Variants in VPS41 observed in about 807,000 individuals in gnomAD.
VPS41 encodes the protein VPS41 subunit of HOPS complex, also known as vacuolar protein sorting-associated protein 41 homolog.
A neutral mutation model predicts 130.9 loss-of-function variants in VPS41; 85 were observed. That is an observed-to-expected ratio of 0.65 (90% CI 0.55 to 0.78). The LOEUF is 0.78. VPS41 is among the 30% of genes least tolerant of loss of function. The pLI is 0.00. For missense variants in VPS41, 874 were observed against 1,018.7 expected (o/e 0.86, Z 1.93); for synonymous variants, 335 against 332.9 (o/e 1.01, Z -0.07).
intron 10 of VPS41, among the ~76,000 whole-genome samples, chr7:38,787,672 A>C (rs140198087): frequency 2.0e-5 from 3 of 152,340 alleles, no homozygotes; most frequent in African/African-American, 4.8e-5. Flanking sequence ...GTATTTCTTT[A>C]ATCTTAATGC....
chr7:38,800,796 A>AT (rs1321813183), intron 7 of VPS41, among the ~76,000 whole-genome samples: 1 of 152,198 alleles, frequency 6.6e-6, no homozygotes, highest in African/African-American at 2.4e-5. Context: ...AGATTGTGCC[A>AT]TTGCACTCCA....
At chr7:38,872,151 C>T (rs1331380234) in intron 2 of VPS41, among the ~76,000 whole-genome samples, 1 of 152,180 alleles carries the variant, frequency 6.6e-6, no homozygotes, top group Non-Finnish European at 1.5e-5. Context: ...CAAGATGGCT[C>T]AATCAAATGG....
intron 4 of VPS41, among the ~76,000 whole-genome samples, chr7:38,861,441 G>C (rs995371492): frequency 6.6e-6 from 1 of 152,122 alleles, no homozygotes; most frequent in East Asian, 1.9e-4. Flanking sequence ...GTGTCCAGTG[G>C]GTAGAAGAGG....
At chr7:38,846,447 A>T (rs1313366197) in intron 4 of VPS41, among the ~76,000 whole-genome samples, 1 of 152,238 alleles carries the variant, frequency 6.6e-6, no homozygotes, top group African/African-American at 2.4e-5. Context: ...TAATTTGCGT[A>T]CGCAAAGACA....
intron 10 of VPS41, among the ~76,000 whole-genome samples, chr7:38,786,047 T>C (rs1311565109): frequency 6.6e-6 from 1 of 152,194 alleles, no homozygotes; most frequent in Non-Finnish European, 1.5e-5. Flanking sequence ...AGAAAAAGGG[T>C]CTTCAGATTC....
intron 7 of VPS41, among the ~76,000 whole-genome samples, chr7:38,809,332 A>AAT (rs548454686): frequency 0.019 from 2,757 of 148,120 alleles, 91 homozygotes; most frequent in African/African-American, 0.064. Flanking sequence ...AAAATACAAA[A>AAT]ATATATATAT....
chr7:38,783,342 C>T (rs111788549), intron 10 of VPS41, among the ~76,000 whole-genome samples: 3,038 of 152,058 alleles, frequency 0.02, 107 homozygotes, highest in African/African-American at 0.069. Flanking sequence ...CAAGACCAGC[C>T]TGGCCAAGAA....
chr7:38,823,789 G>T (rs914581221), intron 5 of VPS41, among the ~76,000 whole-genome samples: 6 of 152,094 alleles, frequency 3.9e-5, no homozygotes, highest in Admixed American at 3.9e-4. Flanking sequence ...TTTTCCTGAG[G>T]CTGGCCTTGA....
intron 21 of VPS41, among the ~76,000 whole-genome samples, chr7:38,754,222 G>A (rs1174995780): frequency 6.6e-6 from 1 of 152,144 alleles, no homozygotes; most frequent in African/African-American, 2.4e-5. Context: ...TCGCTCTGTG[G>A]TCTGGATATG....
At chr7:38,774,308 T>C in intron 11 of VPS41, 64 bp from the exon 12 acceptor site, 1 of 1,421,882 alleles carries the variant, frequency 7.0e-7, no homozygotes, top group East Asian at 2.4e-5. Flanking sequence ...ACAAATTAAT[T>C]CTAGTTAGCC....
At chr7:38,809,405 C>T (rs1784899653) in intron 7 of VPS41, among the ~76,000 whole-genome samples, 1 of 147,398 alleles carries the variant, frequency 6.8e-6, no homozygotes, top group Non-Finnish European at 1.5e-5. Context: ...CTCAATAAAG[C>T]TAGAAAAAAA....
At position 38,830,235 on chromosome 7, in the gene VPS41, G is replaced by T; in HGVS notation, c.321+19C>A. 2 of 1,576,168 alleles carry T rather than the reference G, an allele frequency of 1.3e-6. No individual in the cohort carries two copies. The highest frequency in any genetic ancestry group is 8.7e-7 in the Non-Finnish European group (1 of 1,145,338). ...GCTGGCGCCACAGAACTCTCTGCATGACCACATCTTTGCCATACCTTGCCA... is the reference window on the plus strand; with the variant it reads ...GCTGGCGCCACAGAACTCTCTGCATTACCACATCTTTGCCATACCTTGCCA... On this transcript the variant is annotated intron_variant, in intron 5 of 28. Coordinates refer to ENST00000310301, the MANE Select transcript of VPS41 (RefSeq NM_014396.4).
intron 2 of VPS41, among the ~76,000 whole-genome samples, chr7:38,887,073 A>C (rs1388849719): frequency 1.3e-5 from 2 of 152,230 alleles, no homozygotes; most frequent in Non-Finnish European, 2.9e-5. Context: ...GATGGGGAGA[A>C]ACCAGAGCAG....
chr7:38,878,646 G>A lies in VPS41; in HGVS notation c.61-9393C>T, dbSNP rs1030799370. ...AAGACTGAGTATTAGGAAATCTGAC[G>A]TCATTTGATAAGTCAGAGGAAAAAG... On this transcript the variant is annotated intron_variant, in intron 2 of 28. Coordinates refer to ENST00000310301, the MANE Select transcript of VPS41 (RefSeq NM_014396.4). 5.3e-5 allele frequency among the ~76,000 whole-genome samples: 8 copies of A among 152,270 alleles called. No homozygotes were observed. In the East Asian group the frequency reaches 5.8e-4, roughly 11 times the overall value.
chr7:38,857,693 T>C (rs541793127), intron 4 of VPS41, among the ~76,000 whole-genome samples: 5 of 152,298 alleles, frequency 3.3e-5, no homozygotes, highest in African/African-American at 1.2e-4. Context: ...AAAAGCCAAA[T>C]TGTAAAATAC....
intron 7 of VPS41, among the ~76,000 whole-genome samples, chr7:38,810,440 T>C (rs531480199): frequency 6.6e-6 from 1 of 152,212 alleles, no homozygotes; most frequent in Non-Finnish European, 1.5e-5. Flanking sequence ...ATAATTTTTA[T>C]AGGAATCAAA....
At chr7:38,898,966 G>A (rs1163058361) in intron 1 of VPS41, among the ~76,000 whole-genome samples, 1 of 151,960 alleles carries the variant, frequency 6.6e-6, no homozygotes, top group Non-Finnish European at 1.5e-5. Context: ...AAAAAAATGG[G>A]GCAAGGACAT....
intron 25 of VPS41, among the ~76,000 whole-genome samples, chr7:38,735,348 C>T (rs1440531100): frequency 6.6e-6 from 1 of 152,152 alleles, no homozygotes; most frequent in Non-Finnish European, 1.5e-5. Context: ...CCTCTTATCC[C>T]ATTTGGATTG....
At chr7:38,734,841 C>T (rs1795732362) in intron 25 of VPS41, among the ~76,000 whole-genome samples, 1 of 152,202 alleles carries the variant, frequency 6.6e-6, no homozygotes, top group Non-Finnish European at 1.5e-5. Flanking sequence ...GTTTTAAAAG[C>T]CCCCAATATG....
Sources: gnomAD v4.1 joint callset for allele counts (sites outside exome capture counted in the v4.1 genomes callset) on GRCh38, gnomAD v4.1.1 for gene constraint, MANE v1.5 for transcripts, NCBI Gene and HGNC (gene_info 2026-07-23, HGNC 2026-07-21) for gene names.